The following CA12 variants were observed in gnomAD, a reference collection of about 807,000 sequenced individuals.
The protein encoded by CA12 is carbonic anhydrase 12, also known as carbonate dehydratase XII.
A neutral mutation model predicts 46.8 loss-of-function variants in CA12; 36 were observed. The ratio of observed to expected loss-of-function variants is 0.77; its 90% CI spans 0.59 to 1.02. The LOEUF is 1.02. Among genes scored for constraint, CA12 ranks in the 50% least tolerant of loss-of-function variants. The pLI is 0.00. For synonymous variants in CA12, 202 were observed against 187.0 expected, an observed-to-expected ratio of 1.08 and a Z score of -0.65; for missense variants, 436 against 451.4, an observed-to-expected ratio of 0.97 and a Z score of 0.31.
chr15:63,345,162 G>A lies in CA12; in HGVS notation c.429+315C>T, dbSNP rs2152617700. ...AGGAGATTTTTATCTGCACAGATAG[G>A]AAGGCAATGTCTAAAAGAAGGGCAT... On this transcript the variant is annotated intron_variant, in intron 4 of 10. Coordinates refer to ENST00000178638, the MANE Select transcript of CA12 (RefSeq NM_001218.5). The surrounding 1 kb of genome is among the most constrained non-coding windows in gnomAD (Gnocchi z 4.3). 6.6e-6 allele frequency among the ~76,000 whole-genome samples: 1 copy of A among 152,356 alleles called. No homozygotes were observed. The highest frequency in any genetic ancestry group is 2.1e-4 in the South Asian group (1 of 4,828).
At chr15:63,360,085 G>T (rs915500623) in intron 2 of CA12, among the ~76,000 whole-genome samples, 5 of 152,224 alleles carry the variant, frequency 3.3e-5, no homozygotes, top group Non-Finnish European at 7.3e-5. Context: ...TAACAAGTTA[G>T]TCTGCCAGTT....
chr15:63,359,717 G>A lies in CA12; in HGVS notation c.107-13008C>T, dbSNP rs1051914524. ...ACCACAGATAAATGCTATCTGGATTGAATCCTGGATCAGAAAAAAAATGCT... is the reference window on the plus strand; with the variant it reads ...ACCACAGATAAATGCTATCTGGATTAAATCCTGGATCAGAAAAAAAATGCT... On this transcript the variant is annotated intron_variant, in intron 2 of 10. Transcript: ENST00000178638. Among the ~76,000 whole-genome samples the A allele has an allele frequency of 1.1e-4, 17 of 152,244 alleles. No homozygotes were observed. In the South Asian group the frequency reaches 1.9e-3, roughly 17 times the overall value.
In CA12 at chr15:63,339,074, G is replaced by T; in HGVS notation, c.748-129C>A. 8.6e-7 allele frequency: 1 copy of T among 1,162,336 alleles called. No individual in the cohort carries two copies. Among genetic ancestry groups the T allele is most frequent in the Non-Finnish European group, 1.2e-6 (1 of 802,956 alleles). The allele number at this position is 1,162,336 out of a possible 1,614,324, so 72.0% of individuals were successfully genotyped here. On this transcript the variant is annotated intron_variant, in intron 7 of 10. Transcript: ENST00000178638. The surrounding 1 kb of genome is among the most constrained non-coding windows in gnomAD (Gnocchi z 4.3). ...AACCAGCTTCTGTGGGGCCGGGTGG[G>T]AGATATTAGAAAGCAGAGGGAAAGC...
chr15:63,372,748 C>G lies in CA12; in HGVS notation c.106+2910G>C, dbSNP rs2039523165. On this transcript the variant is annotated intron_variant, in intron 2 of 10. Coordinates refer to ENST00000178638, the MANE Select transcript of CA12 (RefSeq NM_001218.5). This position sits in a 1 kb window ranked among gnomAD's most constrained non-coding sequence, Gnocchi z 4.5. ...GGACCTAAGGAGGAGCTAGCCAAGA[C>G]CTCAGGAGGAGTTTGCCTCCTTAGC... 6.6e-6 allele frequency among the ~76,000 whole-genome samples: 1 copy of G among 152,202 alleles called. No individual in the cohort carries two copies. The highest frequency in any genetic ancestry group is 6.5e-5 in the Admixed American group (1 of 15,284).
At chr15:63,338,643 G>A (rs1275006280) in intron 8 of CA12, among the ~76,000 whole-genome samples, 176 bp downstream of exon 8, 1 of 152,150 alleles carries the variant, frequency 6.6e-6, no homozygotes, top group Non-Finnish European at 1.5e-5. Context: ...CTCACTGAAG[G>A]GGGGACCCCA....
At position 63,322,595 on chromosome 15, in the gene CA12, G is replaced by A. The variant is rs566091284; in HGVS notation, c.*3690C>T. The A allele has an allele frequency of 5.3e-5, 8 of 152,370 alleles. No homozygotes were observed. Among genetic ancestry groups the A allele is most frequent in the African/African-American group, 1.9e-4 (8 of 41,586 alleles). 9.4% of individuals were successfully genotyped at this position (152,370 alleles called of 1,614,324 possible). On this transcript the variant is annotated 3_prime_UTR_variant, in exon 11 of 11. Transcript: ENST00000178638. The surrounding 1 kb of genome is among the most constrained non-coding windows in gnomAD (Gnocchi z 4.1). ...GCCGACCTATGGCTCTCACTGCTAT[G>A]CCTCCCTGATCATTCAGCCAGTGGA...
chr15:63,352,755 A>G (rs1020726633), intron 2 of CA12, among the ~76,000 whole-genome samples: 5 of 152,196 alleles, frequency 3.3e-5, no homozygotes, highest in African/African-American at 1.2e-4. Flanking sequence ...AATAGGCACA[A>G]TTTCAGGACA....
intron 8 of CA12, among the ~76,000 whole-genome samples, chr15:63,338,581 G>A (rs1273330908): frequency 2.0e-5 from 3 of 152,192 alleles, no homozygotes; most frequent in Non-Finnish European, 4.4e-5. Context: ...GGCTTAAAGA[G>A]TGCTCTGGTC....
At position 63,327,013 on chromosome 15, in the gene CA12, T is replaced by C. The variant is rs904996529; in HGVS notation, c.992+136A>G. ...CAAAGGAGGCCAGGGCACGGGTGCT[T>C]TGGGGACGGCCCTCCTAGGGTAAGT... is the stretch of plus-strand genomic sequence containing the variant. On this transcript the variant is annotated intron_variant, in intron 10 of 10. Transcript: ENST00000178638. This position sits in a 1 kb window ranked among gnomAD's most constrained non-coding sequence, Gnocchi z 4.5. 6.6e-6 allele frequency: 5 copies of C among 752,228 alleles called. No individual in the cohort carries two copies. The highest frequency in any genetic ancestry group is 3.0e-5 in the South Asian group (2 of 67,792). 46.6% of individuals were successfully genotyped at this position (752,228 alleles called of 1,614,324 possible). A position where few individuals can be genotyped will look rare whatever the true frequency, so the allele number is the denominator to read the frequency against.
chr15:63,375,861 G>C (rs2039564170), intron 1 of CA12, among the ~76,000 whole-genome samples, 183 bp from the exon 2 acceptor site: 1 of 151,006 alleles, frequency 6.6e-6, no homozygotes, highest in South Asian at 2.1e-4. Context: ...CCAGGCTGGA[G>C]TGCAGTGGCG....
At position 63,340,853 on chromosome 15, in the gene CA12, A is replaced by G; in HGVS notation, c.526-70T>C. 6.6e-6 allele frequency: 9 copies of G among 1,364,338 alleles called. No individual in the cohort carries two copies. Among genetic ancestry groups the G allele is most frequent in the Non-Finnish European group, 9.4e-6 (9 of 954,226 alleles). 84.5% of individuals were successfully genotyped at this position (1,364,338 alleles called of 1,614,324 possible). The stretch of plus-strand genomic sequence containing the variant: ...GGCTGAGCCAGGATTGACGATTGCT[A>G]TCAGAAGGGCAAAGCTGTGGGTATG... On this transcript the variant is annotated intron_variant, in intron 5 of 10. Transcript: ENST00000178638. This position sits in a 1 kb window ranked among gnomAD's most constrained non-coding sequence, Gnocchi z 4.4.
chr15:63,367,645 C>G (rs2039453333), intron 2 of CA12, among the ~76,000 whole-genome samples: 3 of 152,186 alleles, frequency 2.0e-5, no homozygotes, highest in Non-Finnish European at 2.9e-5. Flanking sequence ...CCATAGCTGA[C>G]CTAGTCACGA....
chr15:63,352,665 A>G (rs1030359581), intron 2 of CA12, among the ~76,000 whole-genome samples: 1 of 152,194 alleles, frequency 6.6e-6, no homozygotes, highest in African/African-American at 2.4e-5. Flanking sequence ...ACACGCAGTC[A>G]GATCAAAACT....
At position 63,374,684 on chromosome 15, in the gene CA12, C is replaced by G. The variant is rs2039549593; in HGVS notation, c.106+974G>C. ...TATGCATCTTGGGCTGGTGAACCTC[C>G]AAAGGCTGACCTATGCAAATTGGTG... On this transcript the variant is annotated intron_variant, in intron 2 of 10. Transcript: ENST00000178638. The surrounding 1 kb of genome is among the most constrained non-coding windows in gnomAD (Gnocchi z 4.4). Among the ~76,000 whole-genome samples, 1 of 152,194 alleles carries G rather than the reference C, an allele frequency of 6.6e-6. No individual in the cohort carries two copies. The highest frequency in any genetic ancestry group is 1.5e-5 in the Non-Finnish European group (1 of 68,040).
intron 1 of CA12, among the ~76,000 whole-genome samples, chr15:63,376,954 T>A (rs558264654): frequency 1.3e-5 from 2 of 152,094 alleles, no homozygotes; most frequent in Non-Finnish European, 2.9e-5. Flanking sequence ...GGAAAAAGTT[T>A]CTCTTTGAGG....
At chr15:63,333,845 C>G (rs2038965567) in intron 8 of CA12, among the ~76,000 whole-genome samples, 1 of 152,214 alleles carries the variant, frequency 6.6e-6, no homozygotes, top group African/African-American at 2.4e-5. Context: ...CATGCAGTTG[C>G]TTAGAGCAAG....
In CA12 at chr15:63,329,674, G is replaced by A. The variant is rs1014078666; in HGVS notation, c.875-1544C>T. On this transcript the variant is annotated intron_variant, in intron 8 of 10. Coordinates refer to ENST00000178638, the MANE Select transcript of CA12 (RefSeq NM_001218.5). The surrounding 1 kb of genome is among the most constrained non-coding windows in gnomAD (Gnocchi z 4.8). Reference sequence around the variant, plus strand: ...GGTGGCCACCCAGCCTGACACAGAAGATCCTGTGCCCATAGAACCCACAGT... The same window carrying A: ...GGTGGCCACCCAGCCTGACACAGAAAATCCTGTGCCCATAGAACCCACAGT... Among the ~76,000 whole-genome samples, 2 of 152,222 alleles carry A rather than the reference G, an allele frequency of 1.3e-5. 1 individual carries two copies. Among genetic ancestry groups the A allele is most frequent in the Non-Finnish European group, 2.9e-5 (2 of 68,038 alleles).
In CA12 at chr15:63,341,395, G is replaced by A. The variant is rs896822701; in HGVS notation, c.525+607C>T. Reference sequence around the variant, plus strand: ...TCCGCCCCCTGTCAAATCAGCAGAGGCCTCCCATTCTCATAGGAGCACAAG... The same window carrying A: ...TCCGCCCCCTGTCAAATCAGCAGAGACCTCCCATTCTCATAGGAGCACAAG... On this transcript the variant is annotated intron_variant, in intron 5 of 10. Transcript: ENST00000178638. The surrounding 1 kb of genome is among the most constrained non-coding windows in gnomAD (Gnocchi z 5.2). Among the ~76,000 whole-genome samples the A allele has an allele frequency of 2.1e-4, 32 of 152,326 alleles. No homozygotes were observed. Among genetic ancestry groups the A allele is most frequent in the African/African-American group, 7.5e-4 (31 of 41,584 alleles).
intron 2 of CA12, among the ~76,000 whole-genome samples, chr15:63,366,049 G>A (rs1264145463): frequency 6.7e-6 from 1 of 150,336 alleles, no homozygotes; most frequent in Non-Finnish European, 1.5e-5. Flanking sequence ...GCTGAGGCAT[G>A]AGAATTGCTG....
Sources: allele counts gnomAD v4.1 joint callset (sites outside exome capture counted in the v4.1 genomes callset), GRCh38; gene constraint gnomAD v4.1.1; non-coding constraint Gnocchi (gnomAD v3.1); transcripts MANE v1.5; gene names NCBI Gene and HGNC (gene_info 2026-07-23, HGNC 2026-07-21).